PMF1: variants seen among roughly 807,000 people sequenced by gnomAD.
PMF1 encodes polyamine modulated factor 1, also known as polyamine-modulated factor 1.
Under a neutral mutation model 26.7 loss-of-function variants are expected in PMF1, and 21 were observed. That is an observed-to-expected ratio of 0.79 (90% CI 0.56 to 1.13). PMF1 has a LOEUF of 1.13. PMF1 is among the 50% of genes most tolerant of loss of function. The pLI, the probability that PMF1 is intolerant of heterozygous loss-of-function variation, is 0.00. For synonymous variants in PMF1, 105 were observed against 101.0 expected (o/e 1.04, Z -0.24); for missense variants, 266 against 254.9 (o/e 1.04, Z -0.30).
intron 4 of PMF1, among the ~76,000 whole-genome samples, chr1:156,237,601 C>T (rs1480277178): frequency 1.3e-5 from 2 of 151,686 alleles, no homozygotes; most frequent in African/African-American, 4.8e-5. Flanking sequence ...CATGAGCTGC[C>T]ACACCCAGCT....
chr1:156,236,616 T>C, intron 4 of PMF1, 133 bp downstream of exon 4: 1 of 1,206,048 alleles, frequency 8.3e-7, no homozygotes. Context: ...TGGGGAACAG[T>C]CATGAATTAC....
At chr1:156,234,025 A>G (rs1283387572) in intron 3 of PMF1, among the ~76,000 whole-genome samples, 1 of 150,896 alleles carries the variant, frequency 6.6e-6, no homozygotes, top group African/African-American at 2.4e-5. Flanking sequence ...ACTTGAGACC[A>G]GGAGTTCAAG....
At chr1:156,228,146 G>A (rs1658476598) in intron 1 of PMF1, among the ~76,000 whole-genome samples, 1 of 150,384 alleles carries the variant, frequency 6.6e-6, no homozygotes, top group African/African-American at 2.5e-5. Context: ...TGTTAGTCAG[G>A]CTGGTCTTGA....
At chr1:156,225,420 C>A in intron 1 of PMF1, 1 of 586,770 alleles carries the variant, frequency 1.7e-6, no homozygotes, top group Non-Finnish European at 3.2e-6. Context: ...TACACTATAC[C>A]CAGTATGTAG....
chr1:156,233,298 T>C (rs750296810), intron 2 of PMF1, among the ~76,000 whole-genome samples: 51 of 150,870 alleles, frequency 3.4e-4, no homozygotes, highest in Non-Finnish European at 6.8e-4. Context: ...GGATGACAGC[T>C]GAGTGCCACC....
chr1:156,236,024 G>C (rs569652429), intron 3 of PMF1, among the ~76,000 whole-genome samples: 1 of 152,302 alleles, frequency 6.6e-6, no homozygotes, highest in African/African-American at 2.4e-5. Flanking sequence ...GGGGAATGTG[G>C]GGTATGGTCG....
At chr1:156,221,186 G>A (rs1658061477) in intron 1 of PMF1, among the ~76,000 whole-genome samples, 2 of 152,130 alleles carry the variant, frequency 1.3e-5, no homozygotes, top group Non-Finnish European at 2.9e-5. Context: ...GCTACTGAAA[G>A]CCTTCGGTGA....
intron 1 of PMF1, among the ~76,000 whole-genome samples, chr1:156,229,444 G>A (rs1658572390): frequency 6.6e-6 from 1 of 151,710 alleles, no homozygotes; most frequent in South Asian, 2.1e-4. Flanking sequence ...GAGCTGGGCA[G>A]CAGCTACCTT....
intron 1 of PMF1, 110 bp downstream of exon 1, chr1:156,213,286 G>A: frequency 6.7e-7 from 1 of 1,494,744 alleles, no homozygotes; most frequent in Non-Finnish European, 9.0e-7. Context: ...CGCGTTGGGG[G>A]CGGGGCAGTC....
chr1:156,234,224 C>A (rs982528094), intron 3 of PMF1, among the ~76,000 whole-genome samples: 2 of 152,150 alleles, frequency 1.3e-5, no homozygotes, highest in South Asian at 4.1e-4. Context: ...CGCATAGTTC[C>A]CTTCAGGGGA....
At chr1:156,214,944 C>G (rs1657615083) in intron 1 of PMF1, among the ~76,000 whole-genome samples, 1 of 150,950 alleles carries the variant, frequency 6.6e-6, no homozygotes, top group Non-Finnish European at 1.5e-5. Context: ...GTGGCTCGAT[C>G]TCGGCTCACT....
intron 1 of PMF1, among the ~76,000 whole-genome samples, chr1:156,214,875 A>ATTTTT (rs1277094156): frequency 6.7e-6 from 1 of 149,384 alleles, no homozygotes; most frequent in African/African-American, 2.5e-5. Context: ...TATTATTATT[A>ATTTTT]TTATTATTAT....
At chr1:156,219,771 A>T (rs529869377) in intron 1 of PMF1, among the ~76,000 whole-genome samples, 20 of 151,976 alleles carry the variant, frequency 1.3e-4, no homozygotes, top group African/African-American at 4.8e-4. Flanking sequence ...TCTCTTTGAG[A>T]CAGGGTCATG....
At chr1:156,216,005 C>G (rs935002608) in intron 1 of PMF1, among the ~76,000 whole-genome samples, 2 of 152,032 alleles carry the variant, frequency 1.3e-5, no homozygotes, top group African/African-American at 4.8e-5. Context: ...TGTTCTAGTT[C>G]TAGTAGGGTT....
At position 156,239,574 on chromosome 1, in the gene PMF1, G is replaced by A; in HGVS notation, c.591G>A (p.Leu197=). 2 of 1,613,092 alleles carry A rather than the reference G, an allele frequency of 1.2e-6. No individual in the cohort carries two copies. Among genetic ancestry groups the A allele is most frequent in the African/African-American group, 1.3e-5 (1 of 75,036 alleles). The change falls in exon 5 of 5, where the codon CTG becomes CTA. Residue 197 remains leucine, a synonymous_variant. Coordinates refer to ENST00000368277, the MANE Select transcript of PMF1 (RefSeq NM_007221.4). ...WQALHREQRE[L]VAVLREPE The stretch of plus-strand genomic sequence containing the variant: ...CTCTACACAGAGAACAGAGGGAGCT[G>A]GTTGCTGTGCTGAGGGAGCCTGAGT...
chr1:156,234,519 T>C (rs1465007071), intron 3 of PMF1, among the ~76,000 whole-genome samples: 2 of 119,710 alleles, frequency 1.7e-5, no homozygotes, highest in South Asian at 5.3e-4. Flanking sequence ...TTTTTTTCTA[T>C]TTTTTTTAAG....
chr1:156,232,590 A>G (rs907041746), intron 2 of PMF1, among the ~76,000 whole-genome samples, 165 bp downstream of exon 2: 1 of 152,080 alleles, frequency 6.6e-6, no homozygotes, highest in Non-Finnish European at 1.5e-5. Flanking sequence ...TCCCCTCCAA[A>G]TGATGCGGGT....
rs1186557055 is a variant in PMF1 at position 156,239,639 on chromosome 1, T to C, written c.*38T>C. 1.9e-6 allele frequency: 3 copies of C among 1,582,912 alleles called. No individual in the cohort carries two copies. Among genetic ancestry groups the C allele is most frequent in the Non-Finnish European group, 2.6e-6 (3 of 1,153,868 alleles). On this transcript the variant is annotated 3_prime_UTR_variant, in exon 5 of 5. Transcript: ENST00000368277. Reference sequence around the variant, plus strand: ...CCCCAGAAGCAGAGGGCAGTCAAGGTCAAGAGCCTGTGGTCCAGCATGCCT... The same window carrying C: ...CCCCAGAAGCAGAGGGCAGTCAAGGCCAAGAGCCTGTGGTCCAGCATGCCT...
At chr1:156,236,108 A>G (rs763789509) in intron 3 of PMF1, among the ~76,000 whole-genome samples, 180 bp from the exon 4 acceptor site, 3 of 152,174 alleles carry the variant, frequency 2.0e-5, no homozygotes, top group Non-Finnish European at 4.4e-5. Context: ...AGGGAAAGGA[A>G]GTGTGCATTC....
Sources: gnomAD v4.1 joint callset for allele counts (sites outside exome capture counted in the v4.1 genomes callset) on GRCh38, gnomAD v4.1.1 for gene constraint, MANE v1.5 for transcripts, NCBI Gene and HGNC (gene_info 2026-07-23, HGNC 2026-07-21) for gene names.